GALNT17: variants seen among roughly 807,000 people sequenced by gnomAD.
GALNT17 encodes polypeptide N-acetylgalactosaminyltransferase 17.
GALNT17 carries 29 observed loss-of-function variants against 63.7 expected under a neutral mutation model. That is an observed-to-expected ratio of 0.46 (90% confidence interval 0.34 to 0.62). The LOEUF (loss-of-function observed/expected upper bound fraction) is 0.62, where lower values mean the gene tolerates loss of function less well. GALNT17 is among the 20% of genes least tolerant of loss of function. The pLI is 0.01. For synonymous variants in GALNT17, 305 were observed against 318.3 expected, an observed-to-expected ratio of 0.96 and a Z score of 0.45; for missense variants, 603 against 799.6, an observed-to-expected ratio of 0.75 and a Z score of 2.97.
intron 6 of GALNT17, among the ~76,000 whole-genome samples, chr7:71,614,860 AAAAC>A (rs954964776): frequency 4.2e-4 from 62 of 147,632 alleles, no homozygotes; most frequent in African/African-American, 1.3e-3. Flanking sequence ...AAGAAACAGA[AAAAC>A]AAAGAAACAG....
chr7:71,681,989 C>T (rs565782301), intron 9 of GALNT17, among the ~76,000 whole-genome samples: 2 of 152,088 alleles, frequency 1.3e-5, no homozygotes, highest in African/African-American at 4.8e-5. Context: ...TGCAATGGCG[C>T]GATCTCGGGT....
chr7:71,375,542 G>A (rs1410849274), intron 2 of GALNT17, among the ~76,000 whole-genome samples: 2 of 152,084 alleles, frequency 1.3e-5, no homozygotes, highest in African/African-American at 4.8e-5. Flanking sequence ...AGCCTTCCAG[G>A]TGAGTAGCTA....
chr7:71,356,959 T>C (rs1792298198), intron 2 of GALNT17, among the ~76,000 whole-genome samples: 1 of 151,994 alleles, frequency 6.6e-6, no homozygotes, highest in Admixed American at 6.6e-5. Flanking sequence ...TTTTTGTATT[T>C]TTAGTAGAGA....
rs147828569 is a variant in GALNT17 at position 71,696,264 on chromosome 7, C to T, written c.1501-14497C>T. On this transcript the variant is annotated intron_variant, in intron 9 of 10. Coordinates refer to ENST00000333538, the MANE Select transcript of GALNT17 (RefSeq NM_022479.3). The stretch of plus-strand genomic sequence containing the variant: ...AGTAGCTGGGACTACAAGCATGTGC[C>T]ACCATGCCCAGCTAGTTTATTTTAT... 3.5e-4 allele frequency among the ~76,000 whole-genome samples: 42 copies of T among 120,204 alleles called. No individual in the cohort carries two copies. In the East Asian group the frequency reaches 0.014, roughly 40 times the overall value. 78.9% of individuals were successfully genotyped at this position (120,204 alleles called of 152,430 possible).
chr7:71,234,870 C>T (rs551429784), intron 1 of GALNT17, among the ~76,000 whole-genome samples: 1 of 152,202 alleles, frequency 6.6e-6, no homozygotes, highest in East Asian at 1.9e-4. Context: ...CCTTTTTGTA[C>T]CTTGTCTCCT....
chr7:71,320,612 C>T (rs1404880706), intron 1 of GALNT17, among the ~76,000 whole-genome samples: 9 of 151,974 alleles, frequency 5.9e-5, no homozygotes, highest in African/African-American at 2.2e-4. Context: ...CCAAGAGGGT[C>T]TTTTTATGAA....
At chr7:71,656,591 G>A (rs1447055665) in intron 6 of GALNT17, among the ~76,000 whole-genome samples, 1 of 152,152 alleles carries the variant, frequency 6.6e-6, no homozygotes, top group African/African-American at 2.4e-5. Context: ...ACTGAATGGA[G>A]TTGGATTCGG....
rs115422181 is a variant in GALNT17 at position 71,391,663 on chromosome 7, T to A, written c.589+3262T>A. Among the ~76,000 whole-genome samples, 151 of 149,580 alleles carry A rather than the reference T, an allele frequency of 1.0e-3. 1 individual carries two copies. Among genetic ancestry groups the A allele is most frequent in the African/African-American group, 3.5e-3 (138 of 39,162 alleles). On this transcript the variant is annotated intron_variant, in intron 3 of 10. Transcript: ENST00000333538. Reference sequence around the variant, plus strand: ...ATGCCTAGCTAATTTATATATATATTTTTTGTAGAGATGGGGTTTTGGCAT... The same window carrying A: ...ATGCCTAGCTAATTTATATATATATATTTTGTAGAGATGGGGTTTTGGCAT...
intron 1 of GALNT17, among the ~76,000 whole-genome samples, chr7:71,193,927 A>T (rs754623175): frequency 6.6e-6 from 1 of 152,192 alleles, no homozygotes; most frequent in African/African-American, 2.4e-5. Context: ...AAAGAGCTAT[A>T]CTGGTTTCTT....
intron 2 of GALNT17, among the ~76,000 whole-genome samples, chr7:71,374,834 ATTTTT>A (rs71089940): frequency 2.6e-4 from 29 of 109,644 alleles, no homozygotes; most frequent in African/African-American, 6.8e-4. Context: ...CTTGAGGAGG[ATTTTT>A]TTTTTTTTTT....
At chr7:71,620,368 A>G (rs1396555425) in intron 6 of GALNT17, among the ~76,000 whole-genome samples, 1 of 152,138 alleles carries the variant, frequency 6.6e-6, no homozygotes, top group Non-Finnish European at 1.5e-5. Context: ...GCTTGATATC[A>G]GTTTTTCTTT....
intron 6 of GALNT17, among the ~76,000 whole-genome samples, chr7:71,603,487 G>A (rs570934560): frequency 1.5e-4 from 23 of 151,552 alleles, no homozygotes; most frequent in African/African-American, 5.6e-4. Flanking sequence ...TACACTGGAT[G>A]CCATGCTGAG....
At chr7:71,446,819 G>T (rs1787170227) in intron 5 of GALNT17, among the ~76,000 whole-genome samples, 1 of 152,200 alleles carries the variant, frequency 6.6e-6, no homozygotes, top group Non-Finnish European at 1.5e-5. Context: ...AGAGTGCTGG[G>T]ATTACAGGCA....
chr7:71,504,159 C>T (rs1021097541), intron 5 of GALNT17, among the ~76,000 whole-genome samples: 6 of 150,330 alleles, frequency 4.0e-5, no homozygotes, highest in South Asian at 2.1e-4. Flanking sequence ...ACCCAGGAGG[C>T]GGAGCTGCAG....
At chr7:71,440,848 TC>T (rs1356768017) in intron 5 of GALNT17, among the ~76,000 whole-genome samples, 3 of 152,154 alleles carry the variant, frequency 2.0e-5, no homozygotes, top group Non-Finnish European at 4.4e-5. Flanking sequence ...GGAGTTTTCA[TC>T]CTCCGAGGTG....
At chr7:71,479,412 G>T (rs1322496562) in intron 5 of GALNT17, among the ~76,000 whole-genome samples, 1 of 152,206 alleles carries the variant, frequency 6.6e-6, no homozygotes, top group African/African-American at 2.4e-5. Flanking sequence ...CAGAAAAGAG[G>T]CTGTGACAGG....
intron 1 of GALNT17, among the ~76,000 whole-genome samples, chr7:71,150,384 A>G (rs1788107630): frequency 6.6e-6 from 1 of 151,890 alleles, no homozygotes; most frequent in South Asian, 2.1e-4. Flanking sequence ...CTGCAGTTAG[A>G]TAGGGCCATG....
intron 6 of GALNT17, among the ~76,000 whole-genome samples, chr7:71,639,677 A>C (rs1790576856): frequency 6.6e-6 from 1 of 152,248 alleles, no homozygotes; most frequent in African/African-American, 2.4e-5. Flanking sequence ...GGAATGCTTT[A>C]AGCTGTTAAA....
intron 5 of GALNT17, among the ~76,000 whole-genome samples, chr7:71,530,480 G>A (rs1042724281): frequency 6.6e-6 from 1 of 152,098 alleles, no homozygotes; most frequent in Non-Finnish European, 1.5e-5. Context: ...GGAGGGACTG[G>A]TTGTCAACAC....
Sources: gnomAD v4.1 joint callset for allele counts (sites outside exome capture counted in the v4.1 genomes callset) on GRCh38, gnomAD v4.1.1 for gene constraint, MANE v1.5 for transcripts, NCBI Gene and HGNC (gene_info 2026-07-23, HGNC 2026-07-21) for gene names.